MCC: variants seen among roughly 807,000 people sequenced by gnomAD.
The protein encoded by MCC is colorectal mutant cancer protein.
A neutral mutation model predicts 116.2 loss-of-function variants in MCC; 90 were observed. That is an observed-to-expected ratio of 0.77 (90% CI 0.65 to 0.92). The LOEUF is 0.92. Ranked by LOEUF, MCC falls within the 40% of genes least tolerant of loss-of-function variation. MCC has a pLI of 0.00. For missense variants in MCC, 1,516 were observed against 1,312.2 expected, an observed-to-expected ratio of 1.16 and a Z score of -2.40; for synonymous variants, 578 against 510.5, an observed-to-expected ratio of 1.13 and a Z score of -1.78.
chr5:113,464,546 T>C (rs1327626373), intron 1 of MCC, among the ~76,000 whole-genome samples: 2 of 152,156 alleles, frequency 1.3e-5, no homozygotes, highest in Admixed American at 1.3e-4. Flanking sequence ...ACCCCTGAAC[T>C]CCCTTCACTA....
At chr5:113,287,067 C>T (rs939034150) in intron 3 of MCC, among the ~76,000 whole-genome samples, 5 of 152,026 alleles carry the variant, frequency 3.3e-5, no homozygotes, top group African/African-American at 1.2e-4. Context: ...GTTGGGAATC[C>T]GGGCAGATAT....
chr5:113,038,602 A>C (rs1751477397), intron 17 of MCC, among the ~76,000 whole-genome samples: 1 of 152,062 alleles, frequency 6.6e-6, no homozygotes, highest in South Asian at 2.1e-4. Flanking sequence ...TGTTTGGGGA[A>C]TGGCATTGGG....
chr5:113,368,659 A>T (rs1768762743), intron 2 of MCC, among the ~76,000 whole-genome samples: 1 of 152,104 alleles, frequency 6.6e-6, no homozygotes, highest in African/African-American at 2.4e-5. Flanking sequence ...AACAACAAGC[A>T]ACATGGAAGA....
chr5:113,098,218 C>G (rs542349507), intron 8 of MCC, among the ~76,000 whole-genome samples: 15 of 152,256 alleles, frequency 9.9e-5, no homozygotes, highest in African/African-American at 3.4e-4. Context: ...AACAATGTAG[C>G]TAAAAAAATG....
At chr5:113,253,793 A>G (rs1764893210) in intron 3 of MCC, among the ~76,000 whole-genome samples, 1 of 152,224 alleles carries the variant, frequency 6.6e-6, no homozygotes, top group East Asian at 1.9e-4. Flanking sequence ...GTGTGGTCAA[A>G]GATATTAGAA....
rs1023152419 is a variant in MCC, at chr5:113,054,382, G to T, written c.2214-423C>A. Among the ~76,000 whole-genome samples, 9 of 152,134 alleles carry T rather than the reference G, an allele frequency of 5.9e-5. No homozygotes were observed. In the East Asian group the frequency reaches 1.5e-3, roughly 26 times the overall value. The stretch of plus-strand genomic sequence containing the variant: ...TGGTGGTGATATTTTGAGGACATAG[G>T]TTAAAAGATATTATATATGTAATAA... On this transcript the variant is annotated intron_variant, in intron 14 of 18. Coordinates refer to ENST00000408903, the MANE Select transcript of MCC (RefSeq NM_001085377.2).
chr5:113,029,141 A>G, intron 17 of MCC, 85 bp from the exon 18 acceptor site: 1 of 1,411,150 alleles, frequency 7.1e-7, no homozygotes, highest in East Asian at 2.4e-5. Context: ...TGACAGAAAG[A>G]GGAAGGTTTA....
chr5:113,465,105 T>C (rs997078552), intron 1 of MCC, among the ~76,000 whole-genome samples: 1 of 151,958 alleles, frequency 6.6e-6, no homozygotes, highest in Non-Finnish European at 1.5e-5. Context: ...ATTTTTTTTT[T>C]TGTGGGGCGG....
chr5:113,077,595 T>G (rs959310049), intron 11 of MCC, among the ~76,000 whole-genome samples: 9 of 152,228 alleles, frequency 5.9e-5, no homozygotes, highest in African/African-American at 1.9e-4. Context: ...ATAAAGATGT[T>G]CTTTGAAACC....
intron 8 of MCC, among the ~76,000 whole-genome samples, chr5:113,091,193 C>G (rs572648401): frequency 6.6e-6 from 1 of 152,202 alleles, no homozygotes; most frequent in Non-Finnish European, 1.5e-5. Flanking sequence ...GTGTGAGGTC[C>G]AAATTTATAC....
chr5:113,126,781 T>C (rs564053504), intron 5 of MCC, among the ~76,000 whole-genome samples: 4 of 152,324 alleles, frequency 2.6e-5, no homozygotes, highest in East Asian at 3.9e-4. Context: ...AGTAGACTAT[T>C]AGTAGTTAAG....
intron 1 of MCC, among the ~76,000 whole-genome samples, chr5:113,461,268 C>A (rs1472797932): frequency 6.6e-6 from 1 of 152,090 alleles, no homozygotes; most frequent in Non-Finnish European, 1.5e-5. Context: ...CTTAAAAAAA[C>A]AAACAATAAA....
At chr5:113,186,892 T>C (rs183566224) in intron 3 of MCC, among the ~76,000 whole-genome samples, 28 of 152,006 alleles carry the variant, frequency 1.8e-4, no homozygotes, top group Non-Finnish European at 3.8e-4. Flanking sequence ...CGGGGGAGGA[T>C]AGGGGGAGCT....
chr5:113,338,034 A>T (rs887417584), intron 3 of MCC, among the ~76,000 whole-genome samples: 1 of 152,248 alleles, frequency 6.6e-6, no homozygotes, highest in African/African-American at 2.4e-5. Context: ...TGGTGAAGAC[A>T]CAGGACAGGA....
At chr5:113,100,268 C>T (rs903869392) in intron 8 of MCC, among the ~76,000 whole-genome samples, 1 of 152,018 alleles carries the variant, frequency 6.6e-6, no homozygotes, top group Admixed American at 6.6e-5. Context: ...GAGTTGATAA[C>T]ATTCAAAAAT....
intron 16 of MCC, among the ~76,000 whole-genome samples, chr5:113,044,700 G>A (rs1251918274): frequency 1.3e-5 from 2 of 151,986 alleles, no homozygotes; most frequent in African/African-American, 2.4e-5. Context: ...TCAGCCTCCC[G>A]AGTAGCTGGG....
intron 18 of MCC, among the ~76,000 whole-genome samples, chr5:113,028,247 A>T (rs903367805): frequency 6.6e-6 from 1 of 152,212 alleles, no homozygotes; most frequent in African/African-American, 2.4e-5. Flanking sequence ...ACATCCACAT[A>T]ATGTTGACTA....
At chr5:113,397,404 C>G (rs533011083) in intron 1 of MCC, among the ~76,000 whole-genome samples, 11 of 152,018 alleles carry the variant, frequency 7.2e-5, no homozygotes, top group Non-Finnish European at 1.5e-4. Flanking sequence ...ATTCTCATAT[C>G]TGAAAAAACG....
At chr5:113,462,802 G>A (rs1033527290) in intron 1 of MCC, among the ~76,000 whole-genome samples, 19 of 152,192 alleles carry the variant, frequency 1.2e-4, no homozygotes, top group Non-Finnish European at 2.5e-4. Context: ...TTACTGAATA[G>A]TAACAATGTG....
Sources: allele counts gnomAD v4.1 joint callset (sites outside exome capture counted in the v4.1 genomes callset), GRCh38; gene constraint gnomAD v4.1.1; transcripts MANE v1.5; gene names NCBI Gene and HGNC (gene_info 2026-07-23, HGNC 2026-07-21).